NEU4: variants seen among roughly 807,000 people sequenced by gnomAD.
NEU4 encodes neuraminidase 4.
A neutral mutation model predicts 9.9 loss-of-function variants in NEU4; 7 were observed. The ratio of observed to expected loss-of-function variants is 0.71; its 90% CI spans 0.40 to 1.33. NEU4 has a LOEUF of 1.33. Ranked by LOEUF, NEU4 falls within the 40% of genes most tolerant of loss-of-function variation. The pLI is 0.01. For synonymous variants in NEU4, 348 were observed against 316.9 expected (o/e 1.10, Z -1.04); for missense variants, 717 against 712.6 (o/e 1.01, Z -0.07).
In NEU4 at chr2:241,816,257, G is replaced by A. The variant is rs769144468; in HGVS notation, c.664G>A (p.Glu222Lys). Residue 222 changes from glutamate to lysine, a missense_variant, in exon 4 of 4, where the codon GAG becomes AAG. By Grantham distance (56) the Glu-to-Lys change is moderately conservative (BLOSUM62 1). Coordinates refer to ENST00000407683, the MANE Select transcript of NEU4 (RefSeq NM_001167600.3). ...CCTCGTGCCCAACCTGCGCTCAGGC[G>A]AGTGCCAGCTGGCAGCGGTGGACGG... ...GGLVPNLRSG[E>K]CQLAAVDGGQ... 3.7e-6 allele frequency: 6 copies of A among 1,605,598 alleles called. No homozygotes were observed. Among genetic ancestry groups the A allele is most frequent in the South Asian group, 1.1e-5 (1 of 89,868 alleles).
In NEU4 at chr2:241,816,844, C is replaced by T. The variant is rs777940076; in HGVS notation, c.1251C>T (p.Ser417=). 5.6e-6 allele frequency: 9 copies of T among 1,610,642 alleles called. No individual in the cohort carries two copies. The highest frequency in any genetic ancestry group is 4.5e-5 in the East Asian group (2 of 44,846). ...CCTGGGTGATCTACGAGGGCCCCAG[C>T]GGCTACTCCGACCTGGCGTCCATCG... ...TEPWVIYEGP[S]GYSDLASIGP... The change falls in exon 4 of 4, where the codon AGC becomes AGT. Residue 417 remains serine (S), a synonymous_variant. Coordinates refer to ENST00000407683, the MANE Select transcript of NEU4 (RefSeq NM_001167600.3).
At chr2:241,814,333 G>T in intron 1 of NEU4, 149 bp from the exon 2 acceptor site, 1 of 722,238 alleles carries the variant, frequency 1.4e-6, no homozygotes, top group Middle Eastern at 3.6e-4. Flanking sequence ...TCAGAAACAG[G>T]GCTGACCCCA....
chr2:241,813,240 G>A (rs1700185836), intron 1 of NEU4: 2 of 784,118 alleles, frequency 2.6e-6, no homozygotes, highest in Non-Finnish European at 3.1e-6. Context: ...TGACCCGTGG[G>A]TGTGCATGGG....
At position 241,815,021 on chromosome 2, in the gene NEU4, G is replaced by C; in HGVS notation, c.331G>C (p.Glu111Gln). The C allele has an allele frequency of 6.2e-7, 1 of 1,603,430 alleles. No homozygotes were observed. The highest frequency in any genetic ancestry group is 8.5e-7 in the Non-Finnish European group (1 of 1,178,662). Reference protein sequence around the residue: ...FFIAVLGHTPEAVQIATGRNA... With the variant: ...FFIAVLGHTPQAVQIATGRNA... ...CATCGCGGTGCTGGGCCACACGCCT[G>C]AGGCCGTGCAGATCGCCACGGGAAG... Residue 111 changes from glutamate (E) to glutamine (Q), a missense_variant, in exon 3 of 4, where the codon GAG (glutamate) becomes CAG (glutamine). Physicochemically the swap from Glu to Gln is conservative, Grantham distance 29. Transcript: ENST00000407683.
In NEU4 at chr2:241,816,911, G is replaced by T. The variant is rs769967420; in HGVS notation, c.1318G>T (p.Glu440Ter). 6.2e-7 allele frequency: 1 copy of T among 1,612,814 alleles called. No individual in the cohort carries two copies. The highest frequency in any genetic ancestry group is 8.5e-7 in the Non-Finnish European group (1 of 1,179,962). The stretch of plus-strand genomic sequence containing the variant: ...GGGCCTGGTTTTTGCCTGCCTGTAC[G>T]AGAGCGGGGCCAGGACCTCCTATGA... ...EGGLVFACLY[E>*]SGARTSYDEI... Residue 440 changes from glutamate (E) to a stop codon, truncating the protein, a stop_gained, in exon 4 of 4, where the codon GAG becomes TAG. Coordinates refer to ENST00000407683, the MANE Select transcript of NEU4 (RefSeq NM_001167600.3). LOFTEE classifies it low-confidence loss of function (END_TRUNC).
rs761881607 is a variant in NEU4 at position 241,816,925 on chromosome 2, G to A, written c.1332G>A (p.Arg444=). 6.2e-7 allele frequency: 1 copy of A among 1,612,912 alleles called. No individual in the cohort carries two copies. Among genetic ancestry groups the A allele is most frequent in the South Asian group, 1.1e-5 (1 of 91,078 alleles). ...VFACLYESGA[R]TSYDEISFCT... ...CCTGCCTGTACGAGAGCGGGGCCAG[G>A]ACCTCCTATGATGAGATTTCCTTTT... Residue 444 remains arginine, a synonymous_variant, in exon 4 of 4, where the codon AGG becomes AGA. Transcript: ENST00000407683.
At chr2:241,812,018 C>T (rs1402656251) in intron 1 of NEU4, 2 of 152,708 alleles carry the variant, frequency 1.3e-5, no homozygotes, top group Non-Finnish European at 2.9e-5. Context: ...CAAGATGTTC[C>T]TACCCTGCAC....
Position 241,814,665 on chromosome 2 carries a change from CTGGCCGGGGGCTCCGTGCGGGTGAGTGAG to C in NEU4, c.195_201+22del. 3.2e-6 allele frequency: 5 copies of C among 1,561,756 alleles called. No homozygotes were observed. The highest frequency in any genetic ancestry group is 2.3e-5 in the South Asian group (2 of 85,838). On this transcript the variant is annotated splice_donor_variant and splice_donor_5th_base_variant and coding_sequence_variant and intron_variant, in exon 2 of 4. Transcript: ENST00000407683. LOFTEE classifies it high-confidence loss of function. ...CCGCCTGGTGCTGAGGAGGGGCACG[CTGGCCGGGGGCTCCGTGCGGGTGAGTGAG>C]TGGCCGGGGGCTCTGTGTGGGTGTA...
chr2:241,815,164 C>T lies in NEU4; in HGVS notation c.457+17C>T. On this transcript the variant is annotated intron_variant, in intron 3 of 3. Coordinates refer to ENST00000407683, the MANE Select transcript of NEU4 (RefSeq NM_001167600.3). ...CCGTGCAGGGTAGGCGGGCAGGGTG[C>T]CGGTCTGGGTCCCTTTGATTGGCCA... is the stretch of plus-strand genomic sequence containing the variant. 1 of 1,522,588 alleles carries T rather than the reference C, an allele frequency of 6.6e-7. No homozygotes were observed. Among genetic ancestry groups the T allele is most frequent in the Non-Finnish European group, 8.8e-7 (1 of 1,136,956 alleles). The allele number at this position is 1,522,588 out of a possible 1,614,324, so 94.3% of individuals were successfully genotyped here.
intron 3 of NEU4, chr2:241,815,769 G>A (rs1184679181): frequency 3.4e-6 from 2 of 583,988 alleles, no homozygotes; most frequent in African/African-American, 1.9e-5. Flanking sequence ...CCACTGCAGG[G>A]CCTCATGCCC....
At chr2:241,815,662 A>C in intron 3 of NEU4, 3 of 496,620 alleles carry the variant, frequency 6.0e-6, no homozygotes, top group African/African-American at 2.0e-5. Flanking sequence ...GGCCTCACCC[A>C]CAACTTTCCC....
In NEU4 at chr2:241,816,609, C is replaced by T; in HGVS notation, c.1016C>T (p.Pro339Leu). The T allele has an allele frequency of 1.3e-6, 2 of 1,582,264 alleles. No individual in the cohort carries two copies. The highest frequency in any genetic ancestry group is 2.2e-5 in the East Asian group (1 of 44,508). Residue 339 changes from proline (P) to leucine (L), a missense_variant, in exon 4 of 4, where the codon CCT (proline) becomes CTT (leucine). Transcript: ENST00000407683. ...GGTGGGCCCTTCAGCCGTCTGCAGC[C>T]TCGGGGGGATGGCCCCAGGCAGCCT... ...VPGGPFSRLQ[P>L]RGDGPRQPGP...
Position 241,816,562 on chromosome 2 carries a change from C to A in NEU4, c.969C>A (p.Asp323Glu), listed in dbSNP as rs770600219. Residue 323 changes from aspartate to glutamate, a missense_variant, in exon 4 of 4, where the codon GAC (aspartate) becomes GAA (glutamate). Coordinates refer to ENST00000407683, the MANE Select transcript of NEU4 (RefSeq NM_001167600.3). Reference protein sequence around the residue: ...VHEPPEEAAVDPRGGQVPGGP... With the variant: ...VHEPPEEAAVEPRGGQVPGGP... ...AACCCCCAGAGGAGGCTGCTGTAGA[C>A]CCCCGTGGAGGCCAGGTGCCTGGTG... 1.2e-6 allele frequency: 2 copies of A among 1,609,638 alleles called. No homozygotes were observed.
rs759314694 is a variant in NEU4, at chr2:241,817,062, C to T, written c.*14C>T. On this transcript the variant is annotated 3_prime_UTR_variant, in exon 4 of 4. Coordinates refer to ENST00000407683, the MANE Select transcript of NEU4 (RefSeq NM_001167600.3). ...TGGCCCTCCTGACAGGCCTTCTGGC[C>T]GTGCCCATGCCCCTTGGGTGCCTGG... 25 of 1,562,556 alleles carry T rather than the reference C, an allele frequency of 1.6e-5. No individual in the cohort carries two copies. The highest frequency in any genetic ancestry group is 9.1e-5 in the Admixed American group (5 of 54,822).
chr2:241,816,262 C>T lies in NEU4; in HGVS notation c.669C>T (p.Cys223=). 1 of 1,599,860 alleles carries T rather than the reference C, an allele frequency of 6.3e-7. No individual in the cohort carries two copies. The highest frequency in any genetic ancestry group is 1.1e-5 in the South Asian group (1 of 89,044). ...TGCCCAACCTGCGCTCAGGCGAGTG[C>T]CAGCTGGCAGCGGTGGACGGTGGGC... ...GLVPNLRSGE[C]QLAAVDGGQA... The change falls in exon 4 of 4, where the codon TGC becomes TGT. Residue 223 remains cysteine (C), a synonymous_variant. Coordinates refer to ENST00000407683, the MANE Select transcript of NEU4 (RefSeq NM_001167600.3).
chr2:241,815,241 C>G (rs1700281905), intron 3 of NEU4, 94 bp downstream of exon 3: 1 of 1,403,450 alleles, frequency 7.1e-7, no homozygotes. Context: ...CTGCCCCACC[C>G]CTGTCTCCAG....
intron 3 of NEU4, 42 bp from the exon 4 acceptor site, chr2:241,816,009 G>A (rs757212540): frequency 8.1e-5 from 123 of 1,524,116 alleles, no homozygotes; most frequent in Non-Finnish European, 1.1e-4. Flanking sequence ...CCCGACCTCG[G>A]GGACCCAGCA....
rs568289375 is a variant in NEU4 at position 241,816,950 on chromosome 2, T to G, written c.1357T>G (p.Cys453Gly). Residue 453 changes from cysteine to glycine, a missense_variant, in exon 4 of 4, where the codon TGT (cysteine) becomes GGT (glycine). Cys to Gly is a radical substitution (Grantham distance 159, BLOSUM62 -3). Transcript: ENST00000407683. ...GACCTCCTATGATGAGATTTCCTTT[T>G]GTACATTCTCCCTGCGTGAGGTCCT... The part of the protein sequence containing the change: ...ARTSYDEISF[C>G]TFSLREVLEN... 5.0e-6 allele frequency: 8 copies of G among 1,612,840 alleles called. No individual in the cohort carries two copies. Among genetic ancestry groups the G allele is most frequent in the Non-Finnish European group, 6.8e-6 (8 of 1,179,940 alleles).
chr2:241,809,566 C>T (rs557699666), intron 1 of NEU4: 65 of 330,714 alleles, frequency 2.0e-4, no homozygotes, highest in South Asian at 1.4e-3. Context: ...GCTTTCACCC[C>T]ACGGGGACAG....
Sources: allele counts gnomAD v4.1 joint callset, GRCh38; gene constraint gnomAD v4.1.1; transcripts MANE v1.5; gene names NCBI Gene and HGNC (gene_info 2026-07-23, HGNC 2026-07-21).